Variants in LRRTM3 observed in about 807,000 individuals in gnomAD.
LRRTM3 encodes the protein leucine rich repeat transmembrane neuronal 3, also known as leucine-rich repeat transmembrane neuronal protein 3.
A neutral mutation model predicts 44.7 loss-of-function variants in LRRTM3; 24 were observed. That is an observed-to-expected ratio of 0.54 (90% confidence interval 0.39 to 0.76). The LOEUF is 0.76. LRRTM3 is among the 30% of genes least tolerant of loss of function. LRRTM3 has a pLI of 0.00. For missense variants in LRRTM3, 587 were observed against 702.2 expected, an observed-to-expected ratio of 0.84 and a Z score of 1.85; for synonymous variants, 277 against 278.7, an observed-to-expected ratio of 0.99 and a Z score of 0.06.
At chr10:66,938,722 G>A (rs906649779) in intron 2 of LRRTM3, among the ~76,000 whole-genome samples, 8 of 152,158 alleles carry the variant, frequency 5.3e-5, no homozygotes, top group Non-Finnish European at 1.2e-4. Context: ...TAAATTGCTT[G>A]TGTGTTGTGA....
chr10:67,085,914 G>T (rs965972462), intron 2 of LRRTM3, among the ~76,000 whole-genome samples: 1 of 151,682 alleles, frequency 6.6e-6, no homozygotes, highest in African/African-American at 2.4e-5. Flanking sequence ...GCTTAAACAT[G>T]ACGTTATCTA....
chr10:66,937,868 A>T (rs970072259), intron 2 of LRRTM3, among the ~76,000 whole-genome samples: 3 of 152,056 alleles, frequency 2.0e-5, no homozygotes, highest in Admixed American at 1.3e-4. Flanking sequence ...TGTCTTATTA[A>T]TCTTTTCCTT....
At chr10:67,058,623 G>A (rs556390209) in intron 2 of LRRTM3, among the ~76,000 whole-genome samples, 213 of 151,922 alleles carry the variant, frequency 1.4e-3, no homozygotes, top group African/African-American at 4.9e-3. Context: ...TTTTCTGTGC[G>A]CAGAAGCCCA....
intron 2 of LRRTM3, among the ~76,000 whole-genome samples, chr10:66,997,755 A>G (rs1851436622): frequency 6.6e-6 from 1 of 152,166 alleles, no homozygotes. Context: ...ATTGTTCCCC[A>G]GGCAGAGGAA....
intron 2 of LRRTM3, among the ~76,000 whole-genome samples, chr10:67,093,878 A>G (rs561562732): frequency 6.6e-6 from 1 of 152,148 alleles, no homozygotes; most frequent in Admixed American, 6.6e-5. Context: ...ATATTCTCAA[A>G]CAACTGACTA....
At chr10:66,936,768 T>G (rs1847724207) in intron 2 of LRRTM3, among the ~76,000 whole-genome samples, 1 of 152,164 alleles carries the variant, frequency 6.6e-6, no homozygotes. Context: ...CATCCAGTGG[T>G]GCCCAGAGCT....
chr10:67,020,545 C>A (rs1237204885), intron 2 of LRRTM3, among the ~76,000 whole-genome samples: 7 of 152,206 alleles, frequency 4.6e-5, no homozygotes, highest in Middle Eastern at 3.4e-3. Context: ...TGAACTCAAA[C>A]CATTCAACAA....
chr10:67,025,808 C>T (rs10822963), intron 2 of LRRTM3, among the ~76,000 whole-genome samples: 48,619 of 151,606 alleles, frequency 0.32, 9,219 homozygotes, highest in East Asian at 0.64. Context: ...CACATGCACA[C>T]GTATGATTAT....
chr10:67,094,716 TA>T (rs1432842238), intron 2 of LRRTM3, among the ~76,000 whole-genome samples: 1 of 151,720 alleles, frequency 6.6e-6, no homozygotes, highest in Non-Finnish European at 1.5e-5. Context: ...ATATTTTATA[TA>T]TTAAAAAATT....
chr10:67,033,261 G>A (rs993694338), intron 2 of LRRTM3, among the ~76,000 whole-genome samples: 2 of 152,154 alleles, frequency 1.3e-5, no homozygotes, highest in African/African-American at 4.8e-5. Flanking sequence ...AGTGTTATGT[G>A]AGGGTGCTTT....
At chr10:66,953,683 C>T (rs1029296551) in intron 2 of LRRTM3, among the ~76,000 whole-genome samples, 1 of 152,002 alleles carries the variant, frequency 6.6e-6, no homozygotes, top group African/African-American at 2.4e-5. Context: ...ATAATTTTAT[C>T]TTTGAAACTT....
intron 2 of LRRTM3, among the ~76,000 whole-genome samples, chr10:66,987,420 T>A (rs983680083): frequency 1.3e-5 from 2 of 152,168 alleles, no homozygotes; most frequent in African/African-American, 4.8e-5. Flanking sequence ...AATGTAGGGC[T>A]GAAGAATCAG....
intron 2 of LRRTM3, chr10:67,052,660 T>C (rs1855182785): frequency 6.6e-6 from 1 of 152,112 alleles, no homozygotes; most frequent in Non-Finnish European, 1.5e-5. Flanking sequence ...ATTAAGAGGA[T>C]GAGGAGAAAG....
intron 2 of LRRTM3, among the ~76,000 whole-genome samples, chr10:67,080,795 G>A (rs1422819950): frequency 6.6e-6 from 1 of 152,062 alleles, no homozygotes; most frequent in Non-Finnish European, 1.5e-5. Context: ...TGTGGTCCCA[G>A]CTACTCGGGA....
chr10:67,011,934 A>G lies in LRRTM3; in HGVS notation c.1536+83482A>G, dbSNP rs1001347811. On this transcript the variant is annotated intron_variant, in intron 2 of 2. Coordinates refer to ENST00000361320, the MANE Select transcript of LRRTM3 (RefSeq NM_178011.5). Reference sequence around the variant, plus strand: ...CACCTGCCCTTGAAACCCACTATGGAGCCCCAGGAGTACCCATCCATGGTT... The same window carrying G: ...CACCTGCCCTTGAAACCCACTATGGGGCCCCAGGAGTACCCATCCATGGTT... Among the ~76,000 whole-genome samples, 4 of 152,214 alleles carry G rather than the reference A, an allele frequency of 2.6e-5. No individual in the cohort carries two copies. In the East Asian group the frequency reaches 7.7e-4, roughly 29 times the overall value.
At chr10:66,942,733 T>A (rs1848073973) in intron 2 of LRRTM3, among the ~76,000 whole-genome samples, 1 of 152,116 alleles carries the variant, frequency 6.6e-6, no homozygotes, top group Non-Finnish European at 1.5e-5. Context: ...CAAGAGAACA[T>A]GCTATTGTTA....
At chr10:67,093,011 A>G (rs1180083423) in intron 2 of LRRTM3, among the ~76,000 whole-genome samples, 2 of 152,044 alleles carry the variant, frequency 1.3e-5, no homozygotes, top group South Asian at 4.1e-4. Flanking sequence ...GAATCTCCAC[A>G]ATTCATAGCC....
intron 2 of LRRTM3, among the ~76,000 whole-genome samples, chr10:66,961,817 A>ACCT (rs1247947870): frequency 6.6e-6 from 1 of 152,002 alleles, no homozygotes; most frequent in Non-Finnish European, 1.5e-5. Context: ...CCTGATCTTC[A>ACCT]CCTCCACTCC....
At position 66,928,398 on chromosome 10, in the gene LRRTM3, G is replaced by C; in HGVS notation, c.1482G>C (p.Leu494=). 1 of 1,614,134 alleles carries C rather than the reference G, an allele frequency of 6.2e-7. No individual in the cohort carries two copies. The highest frequency in any genetic ancestry group is 1.1e-5 in the South Asian group (1 of 91,066). The change falls in exon 2 of 3, where the codon CTG becomes CTC. Residue 494 remains leucine, a synonymous_variant. Transcript: ENST00000361320. ...KPTNTETSEM[L]LNGTGPCTYN... The stretch of plus-strand genomic sequence containing the variant: ...CCAACACGGAGACCAGCGAGATGCT[G>C]CTGAATGGGACGGGACCCTGCACCT...
Sources: allele counts gnomAD v4.1 joint callset (sites outside exome capture counted in the v4.1 genomes callset), GRCh38; gene constraint gnomAD v4.1.1; transcripts MANE v1.5; gene names NCBI Gene and HGNC (gene_info 2026-07-23, HGNC 2026-07-21).